Variants in FRMPD4 observed in about 807,000 individuals in gnomAD.
The protein encoded by FRMPD4 is FERM and PDZ domain containing 4.
FRMPD4 carries 22 observed loss-of-function variants against 94.1 expected under a neutral mutation model. The ratio of observed to expected loss-of-function variants is 0.23; its 90% CI spans 0.17 to 0.33. FRMPD4 has a LOEUF of 0.33. FRMPD4 is among the 10% of genes least tolerant of loss of function. The pLI, the probability that FRMPD4 is intolerant of heterozygous loss-of-function variation, is 1.00. For synonymous variants in FRMPD4, 631 were observed against 548.6 expected, an observed-to-expected ratio of 1.15 and a Z score of -2.10; for missense variants, 1,111 against 1,339.9, an observed-to-expected ratio of 0.83 and a Z score of 2.67.
At chrX:12,547,858 A>T (rs2058494468) in intron 2 of FRMPD4, among the ~76,000 whole-genome samples, 1 of 112,215 alleles carries the variant, frequency 8.9e-6, no homozygotes, top group Non-Finnish European at 1.9e-5. Context: ...CTAAATAACA[A>T]AAGTAAACAG....
chrX:12,716,001 T>TTG, intron 14 of FRMPD4, 68 bp from the exon 15 acceptor site: 31 of 231,635 alleles, frequency 1.3e-4, no homozygotes, highest in East Asian at 2.5e-4. Context: ...GAGACGAGCC[T>TTG]CCCACCCCCG....
chrX:12,033,219 A>G (rs192667563), intron 3 of FRMPD4, among the ~76,000 whole-genome samples: 21 of 111,890 alleles, frequency 1.9e-4, no homozygotes, highest in African/African-American at 5.2e-4. Flanking sequence ...ATAAATGTCC[A>G]TAAAACTAAA....
At chrX:12,285,375 G>A (rs760056874) in intron 1 of FRMPD4, among the ~76,000 whole-genome samples, 14 of 111,962 alleles carry the variant, frequency 1.3e-4, no homozygotes, top group Non-Finnish European at 2.6e-4. Flanking sequence ...TTACTTAATG[G>A]TGGGGCAGGG....
At chrX:11,839,318 T>C (rs1376328501) in intron 1 of FRMPD4, among the ~76,000 whole-genome samples, 1 of 111,972 alleles carries the variant, frequency 8.9e-6, no homozygotes, top group African/African-American at 3.2e-5. Flanking sequence ...TGGTATCTTA[T>C]TGTGGTTTTT....
At chrX:12,661,984 C>T (rs1435027985) in intron 4 of FRMPD4, among the ~76,000 whole-genome samples, 1 of 111,624 alleles carries the variant, frequency 9.0e-6, no homozygotes, top group Non-Finnish European at 1.9e-5. Flanking sequence ...CTTTTCACAT[C>T]TCCAGGTTTA....
At chrX:12,637,470 G>C (rs2059453357) in intron 4 of FRMPD4, among the ~76,000 whole-genome samples, 1 of 111,785 alleles carries the variant, frequency 8.9e-6, no homozygotes. Context: ...AGGAGTTCAA[G>C]ACCAGCCTAG....
chrX:12,583,544 CA>C, intron 2 of FRMPD4: 1 of 925,101 alleles, frequency 1.1e-6, no homozygotes. Flanking sequence ...TCCTCATAAC[CA>C]AAACCACGCT....
intron 4 of FRMPD4, among the ~76,000 whole-genome samples, chrX:12,633,644 C>T (rs942527967): frequency 8.9e-6 from 1 of 112,023 alleles, no homozygotes; most frequent in African/African-American, 3.2e-5. Context: ...TTTGTACACA[C>T]GACATAGTTT....
chrX:12,036,494 T>C (rs2054721370), intron 3 of FRMPD4, among the ~76,000 whole-genome samples: 1 of 112,359 alleles, frequency 8.9e-6, no homozygotes, highest in Non-Finnish European at 1.9e-5. Context: ...GAGAACATTT[T>C]GACATTTCTT....
rs138837522 is a variant in FRMPD4, at chrX:11,994,883, G to A, written c.95+116865G>A. 4.0e-3 allele frequency among the ~76,000 whole-genome samples: 442 copies of A among 111,586 alleles called. 3 individuals are homozygous for A. Among genetic ancestry groups the A allele is most frequent in the African/African-American group, 0.014 (429 of 30,753 alleles). On this transcript the variant is annotated intron_variant, in intron 3 of 18. Transcript: ENST00000640291. ...TCAGTTCTGTAAGAATTGATGCTTA[G>A]TCTTTCATTCCAGCTCTGCTTCCAT...
intron 3 of FRMPD4, among the ~76,000 whole-genome samples, chrX:11,933,752 GTT>G (rs777363236): frequency 9.0e-6 from 1 of 111,298 alleles, no homozygotes; most frequent in African/African-American, 3.3e-5. Context: ...GCTTTGTGGG[GTT>G]TTTTTTAGGG....
intron 3 of FRMPD4, among the ~76,000 whole-genome samples, chrX:11,961,895 T>C (rs1853162729): frequency 9.2e-6 from 1 of 108,771 alleles, no homozygotes; most frequent in Admixed American, 9.6e-5. Context: ...TGAACAGAGC[T>C]TTAATGTTAA....
chrX:11,836,702 A>G (rs928916935), intron 1 of FRMPD4, among the ~76,000 whole-genome samples: 2 of 112,007 alleles, frequency 1.8e-5, no homozygotes, highest in African/African-American at 6.5e-5. Context: ...AAACAGACAG[A>G]TAAACCCAAT....
chrX:12,116,080 C>G (rs1168687285), intron 3 of FRMPD4, among the ~76,000 whole-genome samples: 1 of 112,317 alleles, frequency 8.9e-6, no homozygotes, highest in Non-Finnish European at 1.9e-5. Context: ...TACTCTCAAA[C>G]TTTAGCCTCA....
chrX:12,703,813 C>T (rs1021939889), intron 10 of FRMPD4, among the ~76,000 whole-genome samples: 1 of 111,738 alleles, frequency 8.9e-6, no homozygotes, highest in Non-Finnish European at 1.9e-5. Flanking sequence ...ACACCACCAG[C>T]AAGAAATGTT....
intron 1 of FRMPD4, among the ~76,000 whole-genome samples, chrX:12,177,984 C>G (rs754547927): frequency 1.2e-4 from 13 of 111,962 alleles, no homozygotes; most frequent in African/African-American, 4.2e-4. Flanking sequence ...CTGCTGTGTT[C>G]TCAGTGTGTG....
chrX:12,180,736 A>G (rs1026114933), intron 1 of FRMPD4, among the ~76,000 whole-genome samples: 2 of 112,575 alleles, frequency 1.8e-5, no homozygotes, highest in Non-Finnish European at 3.8e-5. Context: ...CTTCTGTTGT[A>G]ATTACCCAAA....
intron 3 of FRMPD4, among the ~76,000 whole-genome samples, chrX:11,958,376 A>G (rs2054267537): frequency 8.9e-6 from 1 of 112,256 alleles, no homozygotes; most frequent in Non-Finnish European, 1.9e-5. Context: ...TGATTCTAGA[A>G]TCAGTTCTGA....
chrX:12,514,027 T>C (rs2058071176), intron 2 of FRMPD4, among the ~76,000 whole-genome samples: 1 of 111,487 alleles, frequency 9.0e-6, no homozygotes, highest in African/African-American at 3.3e-5. Flanking sequence ...TTGTCTGTTA[T>C]TGGTGTATAG....
Sources: gnomAD v4.1 joint callset for allele counts (sites outside exome capture counted in the v4.1 genomes callset) on GRCh38, gnomAD v4.1.1 for gene constraint, MANE v1.5 for transcripts, NCBI Gene and HGNC (gene_info 2026-07-23, HGNC 2026-07-21) for gene names.